PTPRN2: variants seen among roughly 807,000 people sequenced by gnomAD.
PTPRN2 encodes the protein protein tyrosine phosphatase receptor type N2.
A neutral mutation model predicts 118.8 loss-of-function variants in PTPRN2; 74 were observed. The observed-to-expected ratio is 0.62, with a 90% CI of 0.52 to 0.76. The LOEUF (loss-of-function observed/expected upper bound fraction) is 0.76. Ranked by LOEUF, PTPRN2 falls within the 30% of genes least tolerant of loss-of-function variation. The pLI is 0.00. For missense variants in PTPRN2, 1,481 were observed against 1,394.4 expected, an observed-to-expected ratio of 1.06 and a Z score of -0.99; for synonymous variants, 641 against 608.0, an observed-to-expected ratio of 1.05 and a Z score of -0.80.
chr7:158,123,990 C>T (rs568965626), intron 9 of PTPRN2, among the ~76,000 whole-genome samples: 25 of 152,248 alleles, frequency 1.6e-4, no homozygotes, highest in African/African-American at 5.8e-4. Flanking sequence ...CCTCAGATCC[C>T]GTGCCGACCC....
chr7:158,151,589 G>C (rs1433375278), intron 6 of PTPRN2, among the ~76,000 whole-genome samples: 2 of 151,960 alleles, frequency 1.3e-5, no homozygotes, highest in East Asian at 1.9e-4. Flanking sequence ...GTGGTGGGTG[G>C]TATGAGCCAC....
intron 2 of PTPRN2, among the ~76,000 whole-genome samples, chr7:158,467,995 T>C (rs1394579661): frequency 1.3e-5 from 2 of 152,200 alleles, no homozygotes; most frequent in Non-Finnish European, 2.9e-5. Flanking sequence ...ACTGGAATTG[T>C]GGGGCTCAAG....
rs1803923431 is a variant in PTPRN2 at position 157,784,834 on chromosome 7, G to A, written c.1789-101897C>T. Among the ~76,000 whole-genome samples, 1 of 151,986 alleles carries A rather than the reference G, an allele frequency of 6.6e-6. No homozygotes were observed. The highest frequency in any genetic ancestry group is 1.5e-5 in the Non-Finnish European group (1 of 68,024). On this transcript the variant is annotated intron_variant, in intron 12 of 22. Transcript: ENST00000389418. The surrounding 1 kb of genome is among the most constrained non-coding windows in gnomAD (Gnocchi z 4.6). ...GAACCCATCGTGTGGGGCGACATAG[G>A]GGCCCAGGGGGCCTGGACAAGTAAT...
At chr7:158,067,043 T>G (rs935103739) in intron 11 of PTPRN2, among the ~76,000 whole-genome samples, 11 of 152,180 alleles carry the variant, frequency 7.2e-5, no homozygotes, top group Non-Finnish European at 1.3e-4. Context: ...TTTTCCTGTT[T>G]TCATGAAATT....
rs909715464 is a variant in PTPRN2, at chr7:157,764,102, G to A, written c.1789-81165C>T. ...ACACACACAACAAAAACGTGCTGGC[G>A]AGAATGCTGAGGAATCGTAACTGGC... is the stretch of plus-strand genomic sequence containing the variant. On this transcript the variant is annotated intron_variant, in intron 12 of 22. Coordinates refer to ENST00000389418, the MANE Select transcript of PTPRN2 (RefSeq NM_002847.5). The surrounding 1 kb of genome is among the most constrained non-coding windows in gnomAD (Gnocchi z 4.5). Among the ~76,000 whole-genome samples the A allele has an allele frequency of 2.0e-5, 3 of 152,166 alleles. No individual in the cohort carries two copies. Among genetic ancestry groups the A allele is most frequent in the Admixed American group, 1.3e-4 (2 of 15,272 alleles).
At chr7:157,936,698 C>A (rs1029061286) in intron 11 of PTPRN2, among the ~76,000 whole-genome samples, 1 of 150,882 alleles carries the variant, frequency 6.6e-6, no homozygotes, top group African/African-American at 2.4e-5. Flanking sequence ...GTCTACAGTG[C>A]AGGTCTGACA....
chr7:158,249,379 A>ATACC (rs1796509690), intron 3 of PTPRN2, among the ~76,000 whole-genome samples: 8 of 149,922 alleles, frequency 5.3e-5, no homozygotes, highest in African/African-American at 1.5e-4. Flanking sequence ...ACATGCATAC[A>ATACC]TACACATATC....
intron 3 of PTPRN2, among the ~76,000 whole-genome samples, chr7:158,277,031 A>G (rs995149839): frequency 6.6e-6 from 1 of 152,162 alleles, no homozygotes; most frequent in Admixed American, 6.5e-5. Flanking sequence ...CGGACCCTGC[A>G]AGATCCCCAC....
rs1827487142 is a variant in PTPRN2 at position 158,563,161 on chromosome 7, G to T, written c.112+24397C>A. 6.6e-6 allele frequency among the ~76,000 whole-genome samples: 1 copy of T among 152,144 alleles called. No homozygotes were observed. The highest frequency in any genetic ancestry group is 2.4e-5 in the African/African-American group (1 of 41,426). Reference sequence around the variant, plus strand: ...CCACCGAAGAAGAGAGGTCCTACCTGAAACCTCACAGGGAAATTTGTGCCT... The same window carrying T: ...CCACCGAAGAAGAGAGGTCCTACCTTAAACCTCACAGGGAAATTTGTGCCT... On this transcript the variant is annotated intron_variant, in intron 1 of 22. Transcript: ENST00000389418. The surrounding 1 kb of genome is among the most constrained non-coding windows in gnomAD (Gnocchi z 5.1).
chr7:158,344,781 G>A (rs888361662), intron 2 of PTPRN2, among the ~76,000 whole-genome samples: 6 of 152,156 alleles, frequency 3.9e-5, no homozygotes, highest in East Asian at 1.9e-4. Flanking sequence ...ACCTTTCATC[G>A]GTGGGTTTAG....
chr7:158,007,310 G>A (rs574180545), intron 11 of PTPRN2, among the ~76,000 whole-genome samples: 1 of 152,202 alleles, frequency 6.6e-6, no homozygotes, highest in African/African-American at 2.4e-5. Flanking sequence ...GGTGCTGGGG[G>A]TGGGCAGGAA....
At chr7:158,482,234 T>C (rs1820696720) in intron 2 of PTPRN2, among the ~76,000 whole-genome samples, 1 of 152,256 alleles carries the variant, frequency 6.6e-6, no homozygotes, top group African/African-American at 2.4e-5. Flanking sequence ...ACTTATTTGA[T>C]AAGGCAGTGG....
At chr7:158,401,410 T>C (rs546142135) in intron 2 of PTPRN2, among the ~76,000 whole-genome samples, 1 of 152,324 alleles carries the variant, frequency 6.6e-6, no homozygotes, top group South Asian at 2.1e-4. Context: ...GGGAGCAGCA[T>C]GGAGGCAGAG....
At chr7:157,994,596 G>GCTTACAGCTCCTTGTTCCTAAAATCAGCA (rs1456917986) in intron 11 of PTPRN2, among the ~76,000 whole-genome samples, 2 of 104,370 alleles carry the variant, frequency 1.9e-5, no homozygotes, top group Non-Finnish European at 3.7e-5. Context: ...CTAAATCAAT[G>GCTTACAGCTCCTTGTTCCTAAAATCAGCA]CCGCGTCCCC....
chr7:157,746,703 C>T (rs1280222327), intron 12 of PTPRN2, among the ~76,000 whole-genome samples: 1 of 152,208 alleles, frequency 6.6e-6, no homozygotes, highest in Non-Finnish European at 1.5e-5. Flanking sequence ...GACTGCCCTG[C>T]ACCCACAGTC....
chr7:157,804,472 G>A (rs1166147672), intron 12 of PTPRN2, among the ~76,000 whole-genome samples: 1 of 152,078 alleles, frequency 6.6e-6, no homozygotes, highest in African/African-American at 2.4e-5. Context: ...TAACCATGCA[G>A]CTGCTCCAGA....
chr7:158,079,792 C>T (rs1485415553), intron 11 of PTPRN2, among the ~76,000 whole-genome samples: 1 of 152,180 alleles, frequency 6.6e-6, no homozygotes, highest in South Asian at 2.1e-4. Flanking sequence ...ATTCCTCTTG[C>T]GTGGGAGTGT....
At chr7:158,091,246 T>A (rs1237670848) in intron 10 of PTPRN2, among the ~76,000 whole-genome samples, 1 of 152,230 alleles carries the variant, frequency 6.6e-6, no homozygotes, top group African/African-American at 2.4e-5. Context: ...TTGTAGTCCG[T>A]TTAAATAAAG....
rs112152173 is a variant in PTPRN2 at position 158,315,060 on chromosome 7, C to T, written c.277+1759G>A. Among the ~76,000 whole-genome samples, 524 of 68,610 alleles carry T rather than the reference C, an allele frequency of 7.6e-3. 5 individuals carry two copies. Among genetic ancestry groups the T allele is most frequent in the Admixed American group, 0.018 (102 of 5,544 alleles). The allele number at this position is 68,610 out of a possible 152,430, so 45.0% of individuals were successfully genotyped here. On this transcript the variant is annotated intron_variant, in intron 3 of 22. Coordinates refer to ENST00000389418, the MANE Select transcript of PTPRN2 (RefSeq NM_002847.5). ...CTCAAGGACAGAGGTGAACCCGGGACGCCCTCAAGGACAGAGGTGAACCCG... is the reference window on the plus strand; with the variant it reads ...CTCAAGGACAGAGGTGAACCCGGGATGCCCTCAAGGACAGAGGTGAACCCG...
Sources: gnomAD v4.1 joint callset for allele counts (sites outside exome capture counted in the v4.1 genomes callset) on GRCh38, gnomAD v4.1.1 for gene constraint, Gnocchi (gnomAD v3.1) non-coding constraint, MANE v1.5 for transcripts, NCBI Gene and HGNC (gene_info 2026-07-23, HGNC 2026-07-21) for gene names.